TBC1D25: variants seen among roughly 807,000 people sequenced by gnomAD.
TBC1D25 encodes TBC1 domain family member 25.
A neutral mutation model predicts 38.8 loss-of-function variants in TBC1D25; 13 were observed. That is an observed-to-expected ratio of 0.34 (90% CI 0.22 to 0.53). The LOEUF (loss-of-function observed/expected upper bound fraction) is 0.53, where lower values mean the gene tolerates loss of function less well. TBC1D25 is among the 20% of genes least tolerant of loss of function. TBC1D25 has a pLI of 0.94. For missense variants in TBC1D25, 372 were observed against 600.0 expected (o/e 0.62, Z 3.97); for synonymous variants, 225 against 255.6 (o/e 0.88, Z 1.14).
chrX:48,559,337 G>A lies in TBC1D25; in HGVS notation c.696G>A (p.Ser232=), dbSNP rs782390174. The stretch of plus-strand genomic sequence containing the variant: ...TCTATCATGGCGGTGTGGAGCCCTC[G>A]CTGCGAAAGGTGAGCATCCTCAGTC... ...LRIYHGGVEP[S]LRKVVWRYLL... is the part of the protein sequence containing the mutation. Residue 232 remains serine (S), a synonymous_variant, in exon 5 of 6, where the codon TCG becomes TCA. Transcript: ENST00000376771. 5 of 1,205,025 alleles carry A rather than the reference G, an allele frequency of 4.1e-6. No individual in the cohort carries two copies. Among genetic ancestry groups the A allele is most frequent in the East Asian group, 5.9e-5 (2 of 33,623 alleles).
rs1437406474 is a variant in TBC1D25, at chrX:48,559,013, A to G, written c.505A>G (p.Ile169Val). ...TTAALPFTQS[I>V]LTQVGRTLSK... is the part of the protein sequence containing the mutation. ...TGCCGCCCTGCCCTTTACACAGTCC[A>G]TCCTCACTCAGGTGTTTTCAGGGAC... The change falls in exon 4 of 6, where the codon ATC (isoleucine) becomes GTC (valine). Residue 169 changes from isoleucine to valine, a missense_variant. By Grantham distance (29) the Ile-to-Val change is conservative. This residue lies in a region of TBC1D25 where 312 missense variants were observed against 549.3 expected (regional missense o/e 0.57). Transcript: ENST00000376771. 1.7e-6 allele frequency: 2 copies of G among 1,209,327 alleles called. No homozygotes were observed. The highest frequency in any genetic ancestry group is 2.2e-6 in the Non-Finnish European group (2 of 895,052).
At position 48,559,342 on chromosome X, in the gene TBC1D25, G is replaced by A; in HGVS notation, c.701G>A (p.Arg234Gln). Residue 234 changes from arginine (R) to glutamine (Q), a missense_variant, in exon 5 of 6, where the codon CGA becomes CAA. By Grantham distance (43) the Arg-to-Gln change is conservative (BLOSUM62 1). Around this residue, in one of 2 missense-constraint regions of TBC1D25, gnomAD observed 312 missense variants for 549.3 expected, o/e 0.57. Transcript: ENST00000376771. ...CATGGCGGTGTGGAGCCCTCGCTGC[G>A]AAAGGTGAGCATCCTCAGTCATCTG... ...IYHGGVEPSL[R>Q]KVVWRYLLNV... 2 of 1,206,529 alleles carry A rather than the reference G, an allele frequency of 1.7e-6. No homozygotes were observed. Among genetic ancestry groups the A allele is most frequent in the Non-Finnish European group, 1.1e-6 (1 of 892,834 alleles).
chrX:48,554,019 A>G (rs1009797377), intron 3 of TBC1D25, among the ~76,000 whole-genome samples: 4 of 107,709 alleles, frequency 3.7e-5, no homozygotes, highest in Non-Finnish European at 3.9e-5. Context: ...CGTCTCTACT[A>G]AAAATACAAA....
intron 3 of TBC1D25, among the ~76,000 whole-genome samples, chrX:48,555,491 G>A (rs989150777): frequency 9.8e-5 from 11 of 112,496 alleles, no homozygotes; most frequent in Admixed American, 2.8e-4. Flanking sequence ...AGTGGCTCAC[G>A]CCTGTAATCC....
In TBC1D25 at chrX:48,541,375, G is replaced by A. The variant is rs1556980217; in HGVS notation, c.166G>A (p.Val56Ile). The change falls in exon 2 of 6, where the codon GTA becomes ATA. Residue 56 changes from valine (V) to isoleucine (I), a missense_variant. This residue lies in a region of TBC1D25 where 60 missense variants were observed against 50.7 expected (regional missense o/e 1.18). Transcript: ENST00000376771. ...FLPPEFRSFA[V>I]DPQITSLDVL... Reference sequence around the variant, plus strand: ...GCCGCCAGAGTTCCGCTCTTTTGCTGTAGATCCCCAGATCACCTCGCTCGA... The same window carrying A: ...GCCGCCAGAGTTCCGCTCTTTTGCTATAGATCCCCAGATCACCTCGCTCGA... 3 of 1,211,977 alleles carry A rather than the reference G, an allele frequency of 2.5e-6. No homozygotes were observed. The highest frequency in any genetic ancestry group is 3.5e-5 in the South Asian group (2 of 57,018).
Position 48,544,895 on chromosome X carries a change from T to C in TBC1D25, c.260T>C (p.Leu87Pro), listed in dbSNP as rs2061869797. The change falls in exon 3 of 6, where the codon CTG (leucine) becomes CCG (proline). Residue 87 changes from leucine to proline, a missense_variant. Coordinates refer to ENST00000376771, the MANE Select transcript of TBC1D25 (RefSeq NM_002536.4). ...SGKKNFGISY[L>P]GRDRLGQEVY... ...AAGAAGAACTTTGGCATCAGCTACC[T>C]GGGCCGGGACCGGCTAGGACAGGAA... is the stretch of plus-strand genomic sequence containing the variant. The C allele has an allele frequency of 8.3e-7, 1 of 1,210,390 alleles. No individual in the cohort carries two copies. Among genetic ancestry groups the C allele is most frequent in the African/African-American group, 1.7e-5 (1 of 57,299 alleles).
intron 1 of TBC1D25, among the ~76,000 whole-genome samples, chrX:48,541,087 G>A (rs781999480): frequency 8.9e-6 from 1 of 111,977 alleles, no homozygotes; most frequent in Admixed American, 9.5e-5. Flanking sequence ...CACCATAGAG[G>A]ACTGATTTAA....
intron 3 of TBC1D25, among the ~76,000 whole-genome samples, chrX:48,556,428 A>G (rs1602115834): frequency 9.0e-6 from 1 of 111,208 alleles, no homozygotes; most frequent in African/African-American, 3.3e-5. Context: ...AACCAGAACA[A>G]TTTTTCTTAG....
At chrX:48,542,026 C>CT (rs782768482) in intron 2 of TBC1D25, among the ~76,000 whole-genome samples, 3,677 of 87,787 alleles carry the variant, frequency 0.042, 237 homozygotes, top group African/African-American at 0.14. Context: ...CTTTTTATTT[C>CT]TTTTTTTTTT....
intron 2 of TBC1D25, among the ~76,000 whole-genome samples, chrX:48,542,026 CTTT>C (rs782768482): frequency 2.3e-5 from 2 of 87,856 alleles, no homozygotes; most frequent in Admixed American, 1.3e-4. Context: ...CTTTTTATTT[CTTT>C]TTTTTTTTTT....
At chrX:48,545,351 AC>A (rs2061874878) in intron 3 of TBC1D25, among the ~76,000 whole-genome samples, 1 of 112,600 alleles carries the variant, frequency 8.9e-6, no homozygotes, top group Admixed American at 9.5e-5. Flanking sequence ...ATAACATATA[AC>A]CGAGTAATGT....
intron 3 of TBC1D25, among the ~76,000 whole-genome samples, chrX:48,555,475 G>A (rs970650896): frequency 8.0e-5 from 9 of 112,561 alleles, no homozygotes; most frequent in Admixed American, 3.8e-4. Flanking sequence ...CACTTGGGCC[G>A]GATGCAGTGG....
intron 2 of TBC1D25, among the ~76,000 whole-genome samples, chrX:48,543,606 C>T (rs1329130780): frequency 2.8e-5 from 3 of 105,377 alleles, no homozygotes; most frequent in Non-Finnish European, 3.9e-5. Flanking sequence ...TGATCTCAGC[C>T]GGGCGCTGTG....
rs187313848 is a variant in TBC1D25, at chrX:48,554,010, G to A, written c.389-4887G>A. On this transcript the variant is annotated intron_variant, in intron 3 of 5. Coordinates refer to ENST00000376771, the MANE Select transcript of TBC1D25 (RefSeq NM_002536.4). ...AGCCTGGCCAACATGGTGAAACCCCGTCTCTACTAAAAATACAAAAATTTG... is the reference window on the plus strand; with the variant it reads ...AGCCTGGCCAACATGGTGAAACCCCATCTCTACTAAAAATACAAAAATTTG... Among the ~76,000 whole-genome samples the A allele has an allele frequency of 9.8e-3, 1,048 of 107,230 alleles. 5 individuals carry two copies. The highest frequency in any genetic ancestry group is 0.015 in the Non-Finnish European group (781 of 51,766). The allele number at this position is 107,230 out of a possible 115,157, so 93.1% of individuals were successfully genotyped here.
chrX:48,545,090 C>A (rs1019343705), intron 3 of TBC1D25, 67 bp downstream of exon 3: 51 of 1,154,798 alleles, frequency 4.4e-5, no homozygotes, highest in Middle Eastern at 2.5e-4. Flanking sequence ...GATGCTACCC[C>A]TCACAGTACA....
chrX:48,552,657 G>T (rs1422404085), intron 3 of TBC1D25, among the ~76,000 whole-genome samples: 1 of 110,253 alleles, frequency 9.1e-6, no homozygotes, highest in African/African-American at 3.3e-5. Context: ...CGCCCCAACA[G>T]TGAAATCTTT....
chrX:48,560,572 C>G lies in TBC1D25; in HGVS notation c.1664C>G (p.Ser555Cys). The G allele has an allele frequency of 1.7e-6, 2 of 1,207,587 alleles. No homozygotes were observed. Among genetic ancestry groups the G allele is most frequent in the Non-Finnish European group, 2.2e-6 (2 of 893,257 alleles). The change falls in exon 6 of 6, where the codon TCC becomes TGC. Residue 555 changes from serine to cysteine, a missense_variant. Physicochemically the swap from Ser to Cys is moderately radical, Grantham distance 112. Coordinates refer to ENST00000376771, the MANE Select transcript of TBC1D25 (RefSeq NM_002536.4). ...CCAGACCCACTGCTCTCCTCCTTTT[C>G]CCACCCTGATTCCCCATCTTCCTCA... ...NSPDPLLSSFSHPDSPSSSSP... is the reference protein window; with the variant it reads ...NSPDPLLSSFCHPDSPSSSSP...
chrX:48,561,153 C>T lies in TBC1D25; in HGVS notation c.*178C>T, dbSNP rs1218950799. On this transcript the variant is annotated 3_prime_UTR_variant, in exon 6 of 6. Coordinates refer to ENST00000376771, the MANE Select transcript of TBC1D25 (RefSeq NM_002536.4). Reference sequence around the variant, plus strand: ...CTGCTTTGGCACTGCCCCGCAGAGGCCACGCCTATTTATTCTGTTTCTGTT... The same window carrying T: ...CTGCTTTGGCACTGCCCCGCAGAGGTCACGCCTATTTATTCTGTTTCTGTT... 6.4e-6 allele frequency: 3 copies of T among 471,254 alleles called. No individual in the cohort carries two copies. The highest frequency in any genetic ancestry group is 6.8e-6 in the Non-Finnish European group (2 of 292,089). 38.8% of individuals were successfully genotyped at this position (471,254 alleles called of 1,213,427 possible).
chrX:48,559,432 T>C (rs549863655), intron 5 of TBC1D25, 86 bp downstream of exon 5: 3 of 1,100,430 alleles, frequency 2.7e-6, no homozygotes, highest in South Asian at 4.3e-5. Context: ...CACACTGCTG[T>C]GGGCAAGGGT....
Sources: allele counts gnomAD v4.1 joint callset (sites outside exome capture counted in the v4.1 genomes callset), GRCh38; gene constraint gnomAD v4.1.1; regional missense constraint gnomAD v4.1.1; transcripts MANE v1.5; gene names NCBI Gene and HGNC (gene_info 2026-07-23, HGNC 2026-07-21).